ALPK3: variants seen among roughly 807,000 people sequenced by gnomAD.
ALPK3 encodes alpha kinase 3, also known as alpha-protein kinase 3.
Under a neutral mutation model 140.0 loss-of-function variants are expected in ALPK3, and 102 were observed. That is an observed-to-expected ratio of 0.73 (90% CI 0.62 to 0.86). ALPK3 has a LOEUF of 0.86. ALPK3 is among the 40% of genes least tolerant of loss of function. The probability of loss-of-function intolerance (pLI) is 0.00; values close to 1 mark genes in which losing one functional copy is unlikely to be tolerated. For synonymous variants in ALPK3, 938 were observed against 898.5 expected (o/e 1.04, Z -0.79); for missense variants, 2,254 against 2,208.2 (o/e 1.02, Z -0.42).
intron 3 of ALPK3, 120 bp downstream of exon 3, chr15:84,827,725 A>G: frequency 1.5e-6 from 2 of 1,376,106 alleles, no homozygotes; most frequent in East Asian, 4.9e-5. Flanking sequence ...GTGAGGTGAC[A>G]TTTACTTTCT....
chr15:84,859,993 C>T, intron 8 of ALPK3, 44 bp from the exon 9 acceptor site: 1 of 1,613,992 alleles, frequency 6.2e-7, no homozygotes, highest in Non-Finnish European at 8.5e-7. Context: ...ACTCTCTTGG[C>T]ACAGCAGCCT....
In ALPK3 at chr15:84,817,432, G is replaced by GCGGT; in HGVS notation, c.-17_-14dup. ...CGAGGCAGCGGCGAGTGCGGGGCCG[G>GCGGT]CGGTCGGGGAGGGCGGTGCCATGGG... On this transcript the variant is annotated 5_prime_UTR_variant, in exon 1 of 14. Transcript: ENST00000258888. 7.9e-7 allele frequency: 1 copy of GCGGT among 1,261,278 alleles called. No individual in the cohort carries two copies. The highest frequency in any genetic ancestry group is 9.9e-7 in the Non-Finnish European group (1 of 1,008,058). 78.1% of individuals were successfully genotyped at this position (1,261,278 alleles called of 1,614,324 possible).
intron 1 of ALPK3, 67 bp from the exon 2 acceptor site, chr15:84,823,263 C>T (rs933648806): frequency 1.4e-5 from 22 of 1,569,994 alleles, no homozygotes; most frequent in Non-Finnish European, 1.9e-5. Flanking sequence ...TAGTTTGCGA[C>T]TGTTGATTTC....
chr15:84,856,955 C>T lies in ALPK3; in HGVS notation c.2217C>T (p.Pro739=). The stretch of plus-strand genomic sequence containing the variant: ...GCCTCGGCCCACCATCCAGAACCCC[C>T]AAACTCCCACCTACAGCGGGTCCTA... ...ATSLGPPSRT[P]KLPPTAGPRA... The change falls in exon 6 of 14, where the codon CCC becomes CCT. Residue 739 remains proline, a synonymous_variant. Coordinates refer to ENST00000258888, the MANE Select transcript of ALPK3 (RefSeq NM_020778.5). The T allele has an allele frequency of 1.2e-6, 2 of 1,614,126 alleles. No homozygotes were observed. The highest frequency in any genetic ancestry group is 1.7e-6 in the Non-Finnish European group (2 of 1,180,002).
At chr15:84,865,684 C>T (rs191772209) in intron 12 of ALPK3, among the ~76,000 whole-genome samples, 20 of 152,320 alleles carry the variant, frequency 1.3e-4, no homozygotes, top group African/African-American at 4.3e-4. Flanking sequence ...GTCGGCTGGG[C>T]GCGGAGGCTC....
In ALPK3 at chr15:84,840,163, A is replaced by G. The variant is rs116077141; in HGVS notation, c.884A>G (p.Tyr295Cys). ...GACGGAGAGCATGGCTTGCTGACAT[A>G]CATCTGTGACGCCATGGAGCTGGGG... The part of the protein sequence containing the change: ...GEDGEHGLLT[Y>C]ICDAMELGPQ... Residue 295 changes from tyrosine to cysteine, a missense_variant, in exon 5 of 14, where the codon TAC (tyrosine) becomes TGC (cysteine). Around this residue, in one of 3 missense-constraint regions of ALPK3, gnomAD observed 2,088 missense variants for 2,022.9 expected, o/e 1.03. Transcript: ENST00000258888. 7.4e-4 allele frequency: 1,196 copies of G among 1,613,888 alleles called. 7 individuals are homozygous for G. In the African/African-American group the frequency reaches 0.014, roughly 19 times the overall value.
At chr15:84,844,000 G>A (rs1295688465) in intron 5 of ALPK3, among the ~76,000 whole-genome samples, 1 of 152,190 alleles carries the variant, frequency 6.6e-6, no homozygotes, top group Non-Finnish European at 1.5e-5. Context: ...GGAAGCTAAG[G>A]TGGGTGGATA....
intron 6 of ALPK3, 99 bp downstream of exon 6, chr15:84,858,654 A>G (rs1793640301): frequency 7.0e-7 from 1 of 1,435,454 alleles, no homozygotes; most frequent in Non-Finnish European, 9.2e-7. Context: ...CAGATAGCAT[A>G]TCCCTCCTCG....
In ALPK3 at chr15:84,840,680, ACACT is replaced by A. The variant is rs747711369; in HGVS notation, c.1403_1406del (p.His468ProfsTer2). 6.2e-7 allele frequency: 1 copy of A among 1,600,834 alleles called. No homozygotes were observed. Among genetic ancestry groups the A allele is most frequent in the Non-Finnish European group, 8.5e-7 (1 of 1,173,640 alleles). On this transcript the variant is annotated frameshift_variant, in exon 5 of 14. Coordinates refer to ENST00000258888, the MANE Select transcript of ALPK3 (RefSeq NM_020778.5). LOFTEE classifies it high-confidence loss of function. The stretch of plus-strand genomic sequence containing the variant: ...TGCCTGGCGCTCCTGGCCAGCCCAC[ACACT>A]CCTTGACCCCCCAGCCGACTAGGCC...
intron 2 of ALPK3, among the ~76,000 whole-genome samples, chr15:84,824,922 G>T (rs1963468364): frequency 6.6e-6 from 1 of 152,128 alleles, no homozygotes; most frequent in Admixed American, 6.5e-5. Context: ...CAGAAAGCTT[G>T]TGGCAACGAG....
intron 11 of ALPK3, 147 bp from the exon 12 acceptor site, chr15:84,864,295 C>T: frequency 1.2e-6 from 1 of 808,062 alleles, no homozygotes; most frequent in Non-Finnish European, 1.9e-6. Context: ...GGTGGAGCTG[C>T]TTTCCTTTGC....
At chr15:84,827,757 A>G (rs1328264349) in intron 3 of ALPK3, 152 bp downstream of exon 3, 2 of 1,193,802 alleles carry the variant, frequency 1.7e-6, no homozygotes, top group African/African-American at 1.5e-5. Flanking sequence ...CTAGTTTAAC[A>G]TCCCTGTGTG....
chr15:84,852,177 T>C (rs1482195169), intron 5 of ALPK3, among the ~76,000 whole-genome samples: 1 of 152,178 alleles, frequency 6.6e-6, no homozygotes, highest in Non-Finnish European at 1.5e-5. Flanking sequence ...ACTATAGTAA[T>C]ATGCCAGTAT....
At chr15:84,854,854 C>T (rs1173357848) in intron 5 of ALPK3, among the ~76,000 whole-genome samples, 1 of 152,152 alleles carries the variant, frequency 6.6e-6, no homozygotes, top group Non-Finnish European at 1.5e-5. Context: ...CTTGCTTCTA[C>T]AGTTATATGT....
chr15:84,850,407 G>A (rs1049795740), intron 5 of ALPK3, among the ~76,000 whole-genome samples: 3 of 152,268 alleles, frequency 2.0e-5, no homozygotes, highest in Admixed American at 2.0e-4. Flanking sequence ...TTAAGAGACA[G>A]GGTCTTACTC....
chr15:84,871,757 G>A lies in ALPK3; in HGVS notation c.*3301G>A, dbSNP rs550107037. ...TCACCACCCTCTCAAGACAGCTGCTGCTGGTTTGTGGGTTCCTGACAAGAT... is the reference window on the plus strand; with the variant it reads ...TCACCACCCTCTCAAGACAGCTGCTACTGGTTTGTGGGTTCCTGACAAGAT... On this transcript the variant is annotated 3_prime_UTR_variant, in exon 14 of 14. Coordinates refer to ENST00000258888, the MANE Select transcript of ALPK3 (RefSeq NM_020778.5). The A allele has an allele frequency of 4.6e-5, 7 of 152,370 alleles. No individual in the cohort carries two copies. Among genetic ancestry groups the A allele is most frequent in the African/African-American group, 1.7e-4 (7 of 41,594 alleles). 9.4% of individuals were successfully genotyped at this position (152,370 alleles called of 1,614,324 possible). A position where few individuals can be genotyped will look rare whatever the true frequency, so the allele number is the denominator to read the frequency against.
At chr15:84,863,384 A>C (rs1963970110) in intron 10 of ALPK3, 168 bp from the exon 11 acceptor site, 1 of 607,190 alleles carries the variant, frequency 1.6e-6, no homozygotes. Flanking sequence ...CAAAAGAGGA[A>C]AATGAGATGC....
At chr15:84,825,745 A>G (rs1963479127) in intron 2 of ALPK3, among the ~76,000 whole-genome samples, 1 of 152,174 alleles carries the variant, frequency 6.6e-6, no homozygotes, top group Non-Finnish European at 1.5e-5. Context: ...TGGTTTCTGG[A>G]AAGTGTTGAT....
rs1596155458 is a variant in ALPK3, at chr15:84,857,464, C to T, written c.2726C>T (p.Ala909Val). 1 of 1,611,870 alleles carries T rather than the reference C, an allele frequency of 6.2e-7. No homozygotes were observed. Among genetic ancestry groups the T allele is most frequent in the Non-Finnish European group, 8.5e-7 (1 of 1,178,640 alleles). ...PSEDQVLMSS[A>V]PTLHLGLGTP... is the part of the protein sequence containing the mutation. ...GAGGATCAGGTCCTGATGAGTTCTG[C>T]CCCAACACTGCACCTGGGGCTGGGG... The change falls in exon 6 of 14, where the codon GCC becomes GTC. Residue 909 changes from alanine to valine, a missense_variant. Ala to Val is a moderately conservative substitution (Grantham distance 64, BLOSUM62 0). This residue lies in a region of ALPK3 where 2,088 missense variants were observed against 2,022.9 expected (regional missense o/e 1.03). Transcript: ENST00000258888.
Sources: gnomAD v4.1 joint callset for allele counts (sites outside exome capture counted in the v4.1 genomes callset) on GRCh38, gnomAD v4.1.1 for gene constraint, gnomAD v4.1.1 regional missense constraint, MANE v1.5 for transcripts, NCBI Gene and HGNC (gene_info 2026-07-23, HGNC 2026-07-21) for gene names.